Variants in SLC12A8 observed in about 807,000 individuals in gnomAD.
SLC12A8 encodes solute carrier family 12 member 8.
SLC12A8 carries 69 observed loss-of-function variants against 75.6 expected under a neutral mutation model. The ratio of observed to expected loss-of-function variants is 0.91; its 90% confidence interval spans 0.75 to 1.11. The LOEUF (loss-of-function observed/expected upper bound fraction) is 1.11. SLC12A8 is among the 50% of genes most tolerant of loss of function. The pLI is 0.00. For synonymous variants in SLC12A8, 365 were observed against 372.8 expected, an observed-to-expected ratio of 0.98 and a Z score of 0.24; for missense variants, 877 against 896.7, an observed-to-expected ratio of 0.98 and a Z score of 0.28.
intron 8 of SLC12A8, 151 bp from the exon 9 acceptor site, chr3:125,110,486 GC>G: frequency 4.7e-6 from 3 of 637,420 alleles, no homozygotes; most frequent in Non-Finnish European, 5.2e-6. Context: ...CCCCAGCCTC[GC>G]CCCCATTCAT....
intron 1 of SLC12A8, among the ~76,000 whole-genome samples, chr3:125,212,218 G>A (rs1935350468): frequency 6.6e-6 from 1 of 152,102 alleles, no homozygotes; most frequent in Non-Finnish European, 1.5e-5. Context: ...TGGGGGGTTG[G>A]GAGAGGAGGG....
chr3:125,122,321 A>T lies in SLC12A8; in HGVS notation c.737-1635T>A, dbSNP rs139987918. On this transcript the variant is annotated intron_variant, in intron 6 of 13. Transcript: ENST00000469902. Reference sequence around the variant, plus strand: ...AATTTTCTACAATGATCATTTTGAAACGTGAAAACTTTTAAGGTTTTGTTG... The same window carrying T: ...AATTTTCTACAATGATCATTTTGAATCGTGAAAACTTTTAAGGTTTTGTTG... Among the ~76,000 whole-genome samples, 701 of 152,284 alleles carry T rather than the reference A, an allele frequency of 4.6e-3. 4 individuals are homozygous for T. Among genetic ancestry groups the T allele is most frequent in the African/African-American group, 0.016 (645 of 41,558 alleles).
chr3:125,168,892 T>C (rs1156816162), intron 5 of SLC12A8, among the ~76,000 whole-genome samples: 4 of 151,948 alleles, frequency 2.6e-5, no homozygotes, highest in Non-Finnish European at 4.4e-5. Flanking sequence ...ACATTCAGCG[T>C]GAGATGGACC....
intron 2 of SLC12A8, among the ~76,000 whole-genome samples, chr3:125,202,366 C>T (rs188741405): frequency 2.6e-4 from 39 of 152,338 alleles, no homozygotes; most frequent in Middle Eastern, 3.4e-3. Context: ...TTACTCTCCC[C>T]TACAGGAAGC....
At chr3:125,202,101 T>G (rs1301735454) in intron 2 of SLC12A8, among the ~76,000 whole-genome samples, 1 of 152,102 alleles carries the variant, frequency 6.6e-6, no homozygotes, top group Non-Finnish European at 1.5e-5. Flanking sequence ...GTAGAGACGG[T>G]GTTTCACCAT....
intron 2 of SLC12A8, among the ~76,000 whole-genome samples, chr3:125,203,088 C>CAAAAAAAAA (rs758212012): frequency 2.3e-5 from 2 of 88,440 alleles, no homozygotes; most frequent in Admixed American, 1.4e-4. Flanking sequence ...GACTTCATCT[C>CAAAAAAAAA]AAAAAAAAAA....
Position 125,088,309 on chromosome 3 carries a change from C to A in SLC12A8, c.1982+1G>T, listed in dbSNP as rs1180225773. ...GGTACTGGCTCCAAATTGGCACAGA[C>A]CTGCAGGAGGGGAGCAAGAGAGACC... On this transcript the variant is annotated splice_donor_variant, in intron 13 of 13. Coordinates refer to ENST00000469902, the MANE Select transcript of SLC12A8 (RefSeq NM_024628.6). LOFTEE classifies it high-confidence loss of function. 2.5e-6 allele frequency: 4 copies of A among 1,614,100 alleles called. No homozygotes were observed. In the East Asian group the frequency reaches 6.7e-5, roughly 27 times the overall value.
At chr3:125,104,764 G>C (rs1938983681) in intron 10 of SLC12A8, among the ~76,000 whole-genome samples, 1 of 152,178 alleles carries the variant, frequency 6.6e-6, no homozygotes, top group African/African-American at 2.4e-5. Context: ...AGTTGGAATG[G>C]GACTTTTGAG....
At chr3:125,184,757 A>G (rs1192041257) in intron 4 of SLC12A8, among the ~76,000 whole-genome samples, 1 of 151,682 alleles carries the variant, frequency 6.6e-6, no homozygotes, top group Non-Finnish European at 1.5e-5. Flanking sequence ...AGCAAAGTGA[A>G]CCCAAGCAAG....
chr3:125,178,868 A>G (rs1159959039), intron 4 of SLC12A8, among the ~76,000 whole-genome samples: 7 of 152,224 alleles, frequency 4.6e-5, no homozygotes, highest in African/African-American at 1.7e-4. Context: ...TAGGCTTCCT[A>G]TGAGTATTTG....
At chr3:125,123,058 G>C (rs1454316716) in intron 6 of SLC12A8, among the ~76,000 whole-genome samples, 2 of 152,186 alleles carry the variant, frequency 1.3e-5, no homozygotes, top group Non-Finnish European at 1.5e-5. Flanking sequence ...TGTAATCCCA[G>C]CGCTTTGGGA....
chr3:125,101,234 C>G (rs1050964472), intron 10 of SLC12A8, among the ~76,000 whole-genome samples: 6 of 152,160 alleles, frequency 3.9e-5, no homozygotes, highest in Non-Finnish European at 8.8e-5. Flanking sequence ...GTTTTATCAT[C>G]TGTAGAAAGA....
At chr3:125,158,343 C>T (rs1480299324) in intron 5 of SLC12A8, among the ~76,000 whole-genome samples, 1 of 152,112 alleles carries the variant, frequency 6.6e-6, no homozygotes, top group African/African-American at 2.4e-5. Flanking sequence ...GCCTCAGCCT[C>T]CCGAGTAGCT....
intron 7 of SLC12A8, among the ~76,000 whole-genome samples, chr3:125,119,662 C>T (rs72963884): frequency 6.6e-6 from 1 of 152,236 alleles, no homozygotes; most frequent in Non-Finnish European, 1.5e-5. Context: ...TCATTTTCTT[C>T]CCAATGTTAT....
chr3:125,188,775 C>T (rs921088113), intron 3 of SLC12A8, among the ~76,000 whole-genome samples: 2 of 152,184 alleles, frequency 1.3e-5, no homozygotes, highest in Non-Finnish European at 2.9e-5. Context: ...CAGTTGTACT[C>T]TGTTCCAGTG....
At chr3:125,158,363 G>T (rs763472324) in intron 5 of SLC12A8, among the ~76,000 whole-genome samples, 7 of 152,090 alleles carry the variant, frequency 4.6e-5, no homozygotes, top group Non-Finnish European at 8.8e-5. Flanking sequence ...TGGAATTACA[G>T]GCATGTGCCA....
intron 6 of SLC12A8, among the ~76,000 whole-genome samples, chr3:125,122,906 A>G (rs894384521): frequency 6.6e-6 from 1 of 152,262 alleles, no homozygotes; most frequent in South Asian, 2.1e-4. Context: ...CTCCAGGTAC[A>G]TCCAAGAAGA....
chr3:125,117,235 C>A (rs1939334969), intron 8 of SLC12A8, among the ~76,000 whole-genome samples: 1 of 152,138 alleles, frequency 6.6e-6, no homozygotes, highest in Non-Finnish European at 1.5e-5. Flanking sequence ...TTGCCCCAGG[C>A]ACTGGCCCTC....
chr3:125,112,691 T>G (rs1379809970), intron 8 of SLC12A8, among the ~76,000 whole-genome samples: 1 of 152,222 alleles, frequency 6.6e-6, no homozygotes, highest in Non-Finnish European at 1.5e-5. Context: ...TTCCGTCTTC[T>G]CTACCAAATG....
Sources: gnomAD v4.1 joint callset for allele counts (sites outside exome capture counted in the v4.1 genomes callset) on GRCh38, gnomAD v4.1.1 for gene constraint, MANE v1.5 for transcripts, NCBI Gene and HGNC (gene_info 2026-07-23, HGNC 2026-07-21) for gene names.